The following PLCG2 variants were observed in gnomAD, a reference collection of about 807,000 sequenced individuals.
The protein encoded by PLCG2 is 1-phosphatidylinositol 4,5-bisphosphate phosphodiesterase gamma-2.
Under a neutral mutation model 175.6 loss-of-function variants are expected in PLCG2, and 69 were observed. The ratio of observed to expected loss-of-function variants is 0.39; its 90% CI spans 0.32 to 0.48. The LOEUF (loss-of-function observed/expected upper bound fraction) is 0.48, where lower values mean the gene tolerates loss of function less well. PLCG2 is among the 20% of genes least tolerant of loss of function. The probability of loss-of-function intolerance (pLI) is 0.91; values close to 1 mark genes in which losing one functional copy is unlikely to be tolerated. For synonymous variants in PLCG2, 827 were observed against 624.0 expected, an observed-to-expected ratio of 1.33 and a Z score of -4.85; for missense variants, 1,798 against 1,650.9, an observed-to-expected ratio of 1.09 and a Z score of -1.54.
intron 2 of PLCG2, among the ~76,000 whole-genome samples, chr16:81,818,928 A>G (rs1567480262): frequency 7.3e-6 from 1 of 136,640 alleles, no homozygotes; most frequent in Non-Finnish European, 1.5e-5. Flanking sequence ...GGCTCTTTGA[A>G]TCACAAAAAT....
At chr16:81,953,201 A>C (rs1163853583) in intron 31 of PLCG2, among the ~76,000 whole-genome samples, 4 of 152,264 alleles carry the variant, frequency 2.6e-5, no homozygotes, top group African/African-American at 9.6e-5. Context: ...CAGCACAATG[A>C]CTAAAGGTTC....
intron 2 of PLCG2, among the ~76,000 whole-genome samples, chr16:81,825,706 G>A (rs1250346031): frequency 6.6e-6 from 1 of 152,160 alleles, no homozygotes; most frequent in Non-Finnish European, 1.5e-5. Context: ...TCATCTAATA[G>A]GAAACACACT....
intron 8 of PLCG2, among the ~76,000 whole-genome samples, chr16:81,882,773 C>G (rs1908151660): frequency 6.6e-6 from 1 of 152,084 alleles, no homozygotes; most frequent in African/African-American, 2.4e-5. Context: ...CATTCTGGCT[C>G]ACCCCACCTC....
At chr16:81,885,016 T>C (rs531711194) in intron 9 of PLCG2, among the ~76,000 whole-genome samples, 1 of 151,586 alleles carries the variant, frequency 6.6e-6, no homozygotes, top group South Asian at 2.1e-4. Flanking sequence ...GCCTCCCGAA[T>C]AGCTGGGACT....
upstream of PLCG2, among the ~76,000 whole-genome samples, chr16:81,776,109 C>CTTTCTTTCTTTCTTTCTTTCTTTT (rs1910399282): frequency 2.2e-5 from 1 of 46,274 alleles, no homozygotes; most frequent in Non-Finnish European, 5.5e-5. Context: ...TTTTTTCCTT[C>CTTTCTTTCTTTCTTTCTTTCTTTT]TTTCTTTTTT....
At chr16:81,937,068 G>C (rs1910746356) in intron 27 of PLCG2, among the ~76,000 whole-genome samples, 1 of 152,180 alleles carries the variant, frequency 6.6e-6, no homozygotes, top group Non-Finnish European at 1.5e-5. Flanking sequence ...AGGCAGGGTG[G>C]GTCAAACAGC....
intron 18 of PLCG2, among the ~76,000 whole-genome samples, chr16:81,911,675 A>T (rs927285986): frequency 2.0e-5 from 3 of 151,414 alleles, no homozygotes; most frequent in African/African-American, 7.3e-5. Flanking sequence ...CAATGGCACG[A>T]TCTCAGCTCA....
intron 2 of PLCG2, among the ~76,000 whole-genome samples, chr16:81,812,889 A>G (rs1033137273): frequency 2.6e-5 from 4 of 152,192 alleles, no homozygotes; most frequent in Non-Finnish European, 5.9e-5. Context: ...AGTTTTCTGC[A>G]TATGGCTAGC....
chr16:81,939,218 A>G (rs1181450912), intron 29 of PLCG2, among the ~76,000 whole-genome samples: 2 of 152,098 alleles, frequency 1.3e-5, no homozygotes, highest in East Asian at 1.9e-4. Context: ...TCCTGAGTCA[A>G]AGGCCAAGAG....
At chr16:81,932,458 T>C (rs771311076) in intron 25 of PLCG2, among the ~76,000 whole-genome samples, 33 of 152,308 alleles carry the variant, frequency 2.2e-4, no homozygotes, top group Admixed American at 1.4e-3. Flanking sequence ...GGAAAGAAAT[T>C]GTAGGGTTTC....
intron 3 of PLCG2, 46 bp downstream of exon 3, chr16:81,854,633 T>A: frequency 1.3e-6 from 2 of 1,572,914 alleles, no homozygotes; most frequent in Non-Finnish European, 1.7e-6. Flanking sequence ...TGCCTTAGTG[T>A]CTTCCTGAAG....
intron 2 of PLCG2, among the ~76,000 whole-genome samples, chr16:81,808,563 G>A (rs1904292542): frequency 6.6e-6 from 1 of 151,942 alleles, no homozygotes; most frequent in South Asian, 2.1e-4. Context: ...GCATGATCTC[G>A]GCTCGCTACA....
intron 9 of PLCG2, among the ~76,000 whole-genome samples, chr16:81,886,695 G>A (rs73596818): frequency 1.5e-3 from 223 of 152,256 alleles, no homozygotes; most frequent in African/African-American, 4.8e-3. Flanking sequence ...TCATGACTGG[G>A]ACCACTTACT....
Position 81,859,163 on chromosome 16 carries a change from G to C in PLCG2, c.479G>C (p.Ser160Thr), listed in dbSNP as rs748011545. 1.1e-5 allele frequency: 17 copies of C among 1,586,706 alleles called. No individual in the cohort carries two copies. The South Asian group carries it at 1.9e-4, about 18-fold the overall frequency. ...IYSVDQTRRN[S>T]ISLRELKTIL... ...TCTGTGGATCAAACCAGAAGAAACA[G>C]GTAAGAGTCATTCAGTTTTTTTCTG... Residue 160 changes from serine (S) to threonine (T), a missense_variant and splice_region_variant, in exon 5 of 33, where the codon AGC (serine) becomes ACC (threonine). By Grantham distance (58) the Ser-to-Thr change is moderately conservative (BLOSUM62 1). Transcript: ENST00000564138.
Position 81,960,783 on chromosome 16 carries a change from C to A in PLCG2, c.*2785C>A. The A allele has an allele frequency of 4.4e-6, 1 of 229,360 alleles. No homozygotes were observed. The highest frequency in any genetic ancestry group is 8.6e-6 in the Non-Finnish European group (1 of 115,642). The allele number at this position is 229,360 out of a possible 1,614,324, so 14.2% of individuals were successfully genotyped here. ...AAACTTAAGTCGCCATGGCCAGTGG[C>A]CTTTAGATTAAGCTAGCCTTACCCC... On this transcript the variant is annotated 3_prime_UTR_variant, in exon 33 of 33. Transcript: ENST00000564138.
chr16:81,826,497 T>C (rs538273664), intron 2 of PLCG2, among the ~76,000 whole-genome samples: 106 of 152,244 alleles, frequency 7.0e-4, no homozygotes, highest in Middle Eastern at 3.4e-3. Flanking sequence ...ATCGCAATAA[T>C]AGTAGGACCT....
At chr16:81,935,594 C>T (rs1339232338) in intron 26 of PLCG2, 3 of 985,168 alleles carry the variant, frequency 3.0e-6, no homozygotes, top group East Asian at 1.1e-4. Context: ...GGAGGCCAGT[C>T]CCTAGGAACT....
chr16:81,820,657 A>G (rs1904755307), intron 2 of PLCG2, among the ~76,000 whole-genome samples: 2 of 150,892 alleles, frequency 1.3e-5, no homozygotes, highest in African/African-American at 2.4e-5. Flanking sequence ...GTCTCACTCT[A>G]TTACCCAGGC....
At chr16:81,952,540 G>T (rs991004672) in intron 31 of PLCG2, among the ~76,000 whole-genome samples, 1 of 152,160 alleles carries the variant, frequency 6.6e-6, no homozygotes, top group African/African-American at 2.4e-5. Flanking sequence ...TGAAAAAATG[G>T]TGGAAGCACA....
Sources: allele counts gnomAD v4.1 joint callset (sites outside exome capture counted in the v4.1 genomes callset), GRCh38; gene constraint gnomAD v4.1.1; transcripts MANE v1.5; gene names NCBI Gene and HGNC (gene_info 2026-07-23, HGNC 2026-07-21).